SULF1: variants seen among roughly 807,000 people sequenced by gnomAD.
SULF1 encodes the protein extracellular sulfatase Sulf-1.
SULF1 carries 46 observed loss-of-function variants against 110.5 expected under a neutral mutation model. The observed-to-expected ratio is 0.42, with a 90% CI of 0.33 to 0.53. SULF1 has a LOEUF of 0.53. SULF1 is among the 20% of genes least tolerant of loss of function. The probability of loss-of-function intolerance (pLI) is 0.12; values close to 1 mark genes in which losing one functional copy is unlikely to be tolerated. For synonymous variants in SULF1, 371 were observed against 387.1 expected, an observed-to-expected ratio of 0.96 and a Z score of 0.49; for missense variants, 941 against 1,094.2, an observed-to-expected ratio of 0.86 and a Z score of 1.98.
chr8:69,579,270 G>A (rs1805881061), intron 6 of SULF1, among the ~76,000 whole-genome samples: 1 of 151,382 alleles, frequency 6.6e-6, no homozygotes, highest in Non-Finnish European at 1.5e-5. Context: ...AATAAAAATT[G>A]GGGCCGGGTG....
At chr8:69,559,271 A>G (rs548675875) in intron 3 of SULF1, among the ~76,000 whole-genome samples, 1 of 152,344 alleles carries the variant, frequency 6.6e-6, no homozygotes, top group African/African-American at 2.4e-5. Flanking sequence ...ATTCTGTTAC[A>G]ATAGAATCCA....
At chr8:69,590,538 T>C (rs1436161448) in intron 8 of SULF1, among the ~76,000 whole-genome samples, 1 of 152,142 alleles carries the variant, frequency 6.6e-6, no homozygotes, top group Non-Finnish European at 1.5e-5. Flanking sequence ...ACACAGATCA[T>C]CTCTATGATA....
intron 1 of SULF1, among the ~76,000 whole-genome samples, chr8:69,476,972 T>C (rs1341139227): frequency 6.6e-6 from 1 of 152,194 alleles, no homozygotes; most frequent in Non-Finnish European, 1.5e-5. Context: ...CTTAGGTCAA[T>C]GGGCCAGGGT....
chr8:69,625,207 T>C (rs142343799), intron 15 of SULF1, among the ~76,000 whole-genome samples: 3 of 152,366 alleles, frequency 2.0e-5, no homozygotes, highest in African/African-American at 7.2e-5. Context: ...TGCATTATGA[T>C]GTGAAAGGTC....
At chr8:69,541,372 A>G (rs145755886) in intron 3 of SULF1, among the ~76,000 whole-genome samples, 50 of 152,338 alleles carry the variant, frequency 3.3e-4, no homozygotes, top group East Asian at 1.2e-3. Context: ...CTGAAGGAAC[A>G]TGAAAGAGCA....
At chr8:69,507,627 G>A (rs781255922) in intron 3 of SULF1, among the ~76,000 whole-genome samples, 2 of 152,202 alleles carry the variant, frequency 1.3e-5, no homozygotes, top group Non-Finnish European at 2.9e-5. Flanking sequence ...GCCATTGGCT[G>A]AGGCCTTTTT....
At chr8:69,638,297 A>G (rs747883109) in intron 19 of SULF1, 7 of 609,604 alleles carry the variant, frequency 1.1e-5, no homozygotes, top group African/African-American at 1.9e-5. Context: ...AGAGATCACT[A>G]TCTTTTTTCC....
chr8:69,467,465 A>C (rs753829118), intron 1 of SULF1, among the ~76,000 whole-genome samples: 1 of 152,118 alleles, frequency 6.6e-6, no homozygotes. Context: ...TTGGAGATTG[A>C]CTCTGAAGTT....
intron 3 of SULF1, among the ~76,000 whole-genome samples, chr8:69,525,547 T>C (rs574189115): frequency 6.6e-6 from 1 of 152,242 alleles, no homozygotes; most frequent in African/African-American, 2.4e-5. Flanking sequence ...AAAAGAATAT[T>C]AAGTAGAGGA....
chr8:69,635,626 C>T (rs1810932649), intron 19 of SULF1, among the ~76,000 whole-genome samples: 1 of 152,216 alleles, frequency 6.6e-6, no homozygotes, highest in African/African-American at 2.4e-5. Context: ...AAGCCCAACA[C>T]TTTGAGAGAC....
At chr8:69,485,052 C>T (rs1809650973) in intron 1 of SULF1, among the ~76,000 whole-genome samples, 2 of 152,260 alleles carry the variant, frequency 1.3e-5, no homozygotes, top group South Asian at 2.1e-4. Flanking sequence ...TGAGCAATGA[C>T]TCAGGAAGGG....
At chr8:69,480,199 A>T (rs1028175138) in intron 1 of SULF1, among the ~76,000 whole-genome samples, 2 of 152,170 alleles carry the variant, frequency 1.3e-5, no homozygotes. Context: ...AACCATTACG[A>T]CTTCAAAACA....
intron 13 of SULF1, among the ~76,000 whole-genome samples, chr8:69,610,799 C>T (rs1174275979): frequency 1.3e-5 from 2 of 152,194 alleles, no homozygotes; most frequent in Non-Finnish European, 2.9e-5. Flanking sequence ...TCCTAACAGC[C>T]CATCCTAATC....
At chr8:69,644,760 CAAAAA>C (rs59189043) in intron 22 of SULF1, among the ~76,000 whole-genome samples, 61,360 of 114,974 alleles carry the variant, frequency 0.53, 13,705 homozygotes, top group South Asian at 0.63. Flanking sequence ...GACGCCGTCT[CAAAAA>C]AAAAAAAAAA....
At chr8:69,604,695 T>C in intron 12 of SULF1, 108 bp from the exon 13 acceptor site, 1 of 1,419,168 alleles carries the variant, frequency 7.0e-7, no homozygotes. Context: ...TCTTGCTGTT[T>C]AAAGAATGTG....
intron 3 of SULF1, among the ~76,000 whole-genome samples, chr8:69,532,378 CT>C (rs970139982): frequency 0.011 from 1,635 of 148,336 alleles, 12 homozygotes; most frequent in African/African-American, 0.025. Flanking sequence ...CCCTTCAATT[CT>C]TTTTTTTTTA....
chr8:69,658,244 G>A (rs557867009), intron 22 of SULF1, among the ~76,000 whole-genome samples: 2 of 152,308 alleles, frequency 1.3e-5, no homozygotes, highest in East Asian at 3.9e-4. Context: ...TCCCCTGGCT[G>A]AAAGGACCGT....
intron 8 of SULF1, among the ~76,000 whole-genome samples, chr8:69,590,190 C>A (rs541381963): frequency 6.6e-6 from 1 of 152,262 alleles, no homozygotes; most frequent in South Asian, 2.1e-4. Context: ...GAGACAGAGT[C>A]TTGCTCTGTA....
intron 1 of SULF1, among the ~76,000 whole-genome samples, chr8:69,494,440 AT>A (rs1810184896): frequency 6.6e-6 from 1 of 152,178 alleles, no homozygotes; most frequent in Admixed American, 6.5e-5. Flanking sequence ...ATATTATAAA[AT>A]TATGTCTTTT....
Sources: gnomAD v4.1 joint callset for allele counts (sites outside exome capture counted in the v4.1 genomes callset) on GRCh38, gnomAD v4.1.1 for gene constraint, MANE v1.5 for transcripts, NCBI Gene and HGNC (gene_info 2026-07-23, HGNC 2026-07-21) for gene names.